Variants in RNF130 observed in about 807,000 individuals in gnomAD.
The protein encoded by RNF130 is ring finger protein 130.
RNF130 carries 21 observed loss-of-function variants against 44.6 expected under a neutral mutation model. The observed-to-expected ratio is 0.47, with a 90% CI of 0.33 to 0.68. The LOEUF is 0.68. Ranked by LOEUF, RNF130 falls within the 30% of genes least tolerant of loss-of-function variation. The probability of loss-of-function intolerance (pLI) is 0.02; values close to 1 mark genes in which losing one functional copy is unlikely to be tolerated. For synonymous variants in RNF130, 214 were observed against 210.4 expected (o/e 1.02, Z -0.15); for missense variants, 479 against 560.6 (o/e 0.85, Z 1.47).
At chr5:180,006,295 GA>G (rs33997180) in intron 3 of RNF130, among the ~76,000 whole-genome samples, 19,734 of 145,192 alleles carry the variant, frequency 0.14, 1,433 homozygotes, top group East Asian at 0.28. Context: ...CAATGTGGAA[GA>G]AAAAAAAAAA....
intron 1 of RNF130, among the ~76,000 whole-genome samples, 174 bp from the exon 2 acceptor site, chr5:180,040,821 T>C (rs965803603): frequency 3.9e-5 from 6 of 152,172 alleles, no homozygotes; most frequent in Non-Finnish European, 5.9e-5. Flanking sequence ...TCAGTACCTA[T>C]AGGGAGAGAT....
intron 1 of RNF130, among the ~76,000 whole-genome samples, chr5:180,047,984 A>G (rs1582219286): frequency 1.4e-5 from 2 of 140,502 alleles, no homozygotes; most frequent in Non-Finnish European, 3.0e-5. Context: ...GTTCATGTTC[A>G]CCATGTCAAC....
chr5:179,988,989 T>G (rs1763016293), intron 3 of RNF130, among the ~76,000 whole-genome samples: 1 of 152,212 alleles, frequency 6.6e-6, no homozygotes, highest in Admixed American at 6.5e-5. Flanking sequence ...TAGTCCGTTT[T>G]TATGCTGCTA....
intron 7 of RNF130, among the ~76,000 whole-genome samples, chr5:179,920,795 A>AT (rs71959214): frequency 0.053 from 7,552 of 143,362 alleles, 646 homozygotes; most frequent in African/African-American, 0.19. Flanking sequence ...ATATATATAT[A>AT]TTTTTTTTTT....
At chr5:180,027,425 T>A (rs1323867975) in intron 2 of RNF130, among the ~76,000 whole-genome samples, 1 of 152,102 alleles carries the variant, frequency 6.6e-6, no homozygotes, top group Non-Finnish European at 1.5e-5. Flanking sequence ...AGTTATGGCA[T>A]ACGAAAGTCA....
At position 180,058,330 on chromosome 5, in the gene RNF130, T is replaced by C. The variant is rs552272275; in HGVS notation, c.247+13126A>G. Reference sequence around the variant, plus strand: ...TGTTACAGCTGGTAAAAATGTGTGCTAATTTTTAAAAATCTGGTCACTTTA... The same window carrying C: ...TGTTACAGCTGGTAAAAATGTGTGCCAATTTTTAAAAATCTGGTCACTTTA... On this transcript the variant is annotated intron_variant, in intron 1 of 8. Transcript: ENST00000521389. Among the ~76,000 whole-genome samples, 138 of 152,360 alleles carry C rather than the reference T, an allele frequency of 9.1e-4. 2 individuals carry two copies. The South Asian group carries it at 0.027, about 30-fold the overall frequency.
Position 179,961,859 on chromosome 5 carries a change from C to T in RNF130, c.1244+1612G>A, listed in dbSNP as rs140589192. Among the ~76,000 whole-genome samples, 378 of 152,270 alleles carry T rather than the reference C, an allele frequency of 2.5e-3. 1 individual carries two copies. Among genetic ancestry groups the T allele is most frequent in the African/African-American group, 8.5e-3 (355 of 41,562 alleles). ...ACAATAAAGGCAGATGGTCATCTGACTCACACAACTTCAATGGCACTGCAG... is the reference window on the plus strand; with the variant it reads ...ACAATAAAGGCAGATGGTCATCTGATTCACACAACTTCAATGGCACTGCAG... On this transcript the variant is annotated intron_variant, in intron 8 of 8. Transcript: ENST00000521389.
At position 179,998,869 on chromosome 5, in the gene RNF130, ATATATATATATATATGTTT is replaced by A. The variant is rs1265505292; in HGVS notation, c.693+14173_693+14191del. On this transcript the variant is annotated intron_variant, in intron 3 of 8. Coordinates refer to ENST00000521389, the MANE Select transcript of RNF130 (RefSeq NM_018434.6). ...TAGATCTAGTATTTTTTATATATATATATATATATATATATGTTTTATATATCTGAGTGCTCCAGTGTTG... is the reference window on the plus strand; with the variant it reads ...TAGATCTAGTATTTTTTATATATATATATATATCTGAGTGCTCCAGTGTTG... Among the ~76,000 whole-genome samples the A allele has an allele frequency of 2.0e-4, 26 of 127,220 alleles. 3 individuals carry two copies. The highest frequency in any genetic ancestry group is 5.6e-4 in the Admixed American group (7 of 12,580). 83.5% of individuals were successfully genotyped at this position (127,220 alleles called of 152,430 possible).
chr5:180,066,563 G>T (rs567701267), intron 1 of RNF130, among the ~76,000 whole-genome samples: 5 of 152,126 alleles, frequency 3.3e-5, no homozygotes, highest in Non-Finnish European at 7.3e-5. Flanking sequence ...GCAATACAGC[G>T]AGACCCTGTC....
At chr5:180,033,499 A>G (rs1050481697) in intron 2 of RNF130, among the ~76,000 whole-genome samples, 11 of 152,242 alleles carry the variant, frequency 7.2e-5, no homozygotes, top group Admixed American at 7.2e-4. Context: ...TGAGGTGGGC[A>G]GGTCACTTGA....
Position 180,071,658 on chromosome 5 carries a change from G to T in RNF130, c.45C>A (p.Leu15=), listed in dbSNP as rs3828698. 624,454 of 1,446,990 alleles carry T rather than the reference G, an allele frequency of 0.43. 139,900 individuals carry two copies. Among genetic ancestry groups the T allele is most frequent in the East Asian group, 0.66 (22,474 of 34,124 alleles). 89.6% of individuals were successfully genotyped at this position (1,446,990 alleles called of 1,614,324 possible). A position where few individuals can be genotyped will look rare whatever the true frequency, so the allele number is the denominator to read the frequency against. ...GCCACAGGCTGCAGGTCAGCAGGGCGAGCGCGGCGAGCCGGGCAGGGCCCG... is the reference window on the plus strand; with the variant it reads ...GCCACAGGCTGCAGGTCAGCAGGGCTAGCGCGGCGAGCCGGGCAGGGCCCG... ...GRAGPARLAA[L]ALLTCSLWPA... Residue 15 remains leucine, a synonymous_variant, in exon 1 of 9, where the codon CTC becomes CTA. Transcript: ENST00000521389.
chr5:180,052,117 G>A (rs536916899), intron 1 of RNF130, among the ~76,000 whole-genome samples: 24 of 152,036 alleles, frequency 1.6e-4, no homozygotes, highest in Non-Finnish European at 2.8e-4. Flanking sequence ...TCCACTGCTA[G>A]ACCCTCGCCA....
At chr5:180,002,876 A>G (rs189921944) in intron 3 of RNF130, among the ~76,000 whole-genome samples, 115 of 152,158 alleles carry the variant, frequency 7.6e-4, no homozygotes, top group Non-Finnish European at 2.2e-4. Context: ...ACAAGTTCTA[A>G]GGATTTCTAA....
intron 2 of RNF130, among the ~76,000 whole-genome samples, chr5:180,025,075 C>T (rs908880204): frequency 2.6e-5 from 4 of 152,212 alleles, no homozygotes; most frequent in Non-Finnish European, 4.4e-5. Flanking sequence ...CCACTTCCAT[C>T]CTGAATCGAG....
At chr5:179,954,222 A>G (rs1762167796), downstream of RNF130, among the ~76,000 whole-genome samples, 1 of 152,234 alleles carries the variant, frequency 6.6e-6, no homozygotes, top group Non-Finnish European at 1.5e-5. Flanking sequence ...GTTATAACAT[A>G]ATCCAGCAAC....
chr5:180,020,016 A>T (rs879747404), intron 2 of RNF130, among the ~76,000 whole-genome samples: 1 of 152,210 alleles, frequency 6.6e-6, no homozygotes, highest in Admixed American at 6.5e-5. Flanking sequence ...AAACTAAGAA[A>T]GGGTCCAGGG....
chr5:180,007,880 A>T (rs1763498424), intron 3 of RNF130, among the ~76,000 whole-genome samples: 1 of 152,154 alleles, frequency 6.6e-6, no homozygotes, highest in Non-Finnish European at 1.5e-5. Flanking sequence ...AGCTACACCC[A>T]GTCCACTAAC....
intron 7 of RNF130, chr5:179,939,634 C>T (rs1292398967): frequency 4.4e-6 from 2 of 459,666 alleles, no homozygotes; most frequent in Non-Finnish European, 8.6e-6. Context: ...CCACAAATGA[C>T]GTGGAAGAGA....
intron 1 of RNF130, among the ~76,000 whole-genome samples, chr5:180,055,912 T>C (rs1764808578): frequency 6.6e-6 from 1 of 151,918 alleles, no homozygotes; most frequent in Non-Finnish European, 1.5e-5. Flanking sequence ...GGTGAAACCC[T>C]GTCTCTACTA....
Sources: gnomAD v4.1 joint callset for allele counts (sites outside exome capture counted in the v4.1 genomes callset) on GRCh38, gnomAD v4.1.1 for gene constraint, MANE v1.5 for transcripts, NCBI Gene and HGNC (gene_info 2026-07-23, HGNC 2026-07-21) for gene names.